Variants in ATP8B1 observed in about 807,000 individuals in gnomAD.
ATP8B1 encodes phospholipid-transporting ATPase IC.
In ATP8B1, 80 loss-of-function variants were observed where a neutral mutation model predicts 149.9. The ratio of observed to expected loss-of-function variants is 0.53; its 90% CI spans 0.45 to 0.64. The LOEUF (loss-of-function observed/expected upper bound fraction) is 0.64, where lower values mean the gene tolerates loss of function less well. Among genes scored for constraint, ATP8B1 ranks in the 30% least tolerant of loss-of-function variants. The pLI, the probability that ATP8B1 is intolerant of heterozygous loss-of-function variation, is 0.00. For missense variants in ATP8B1, 1,247 were observed against 1,552.6 expected, an observed-to-expected ratio of 0.80 and a Z score of 3.31; for synonymous variants, 536 against 562.8, an observed-to-expected ratio of 0.95 and a Z score of 0.67.
chr18:57,667,046 C>G (rs2122692840), intron 20 of ATP8B1, 46 bp downstream of exon 20: 2 of 1,511,582 alleles, frequency 1.3e-6, no homozygotes, highest in Non-Finnish European at 1.8e-6. Flanking sequence ...CTTGCATTTG[C>G]AAAGATGAGC....
intron 1 of ATP8B1, among the ~76,000 whole-genome samples, chr18:57,780,978 T>A (rs1179338568): frequency 6.6e-6 from 1 of 152,238 alleles, no homozygotes; most frequent in East Asian, 1.9e-4. Flanking sequence ...ATATGTGGCC[T>A]GGCCAGGCCG....
At chr18:57,700,525 T>C (rs952098800) in intron 6 of ATP8B1, among the ~76,000 whole-genome samples, 2 of 152,230 alleles carry the variant, frequency 1.3e-5, no homozygotes, top group Admixed American at 6.5e-5. Context: ...AAAATTTTAA[T>C]GAATATTTCC....
chr18:57,685,335 C>A (rs1912182151), intron 13 of ATP8B1, among the ~76,000 whole-genome samples: 1 of 152,100 alleles, frequency 6.6e-6, no homozygotes, highest in South Asian at 2.1e-4. Context: ...TCCTAGGGGC[C>A]TGAATCATAT....
At chr18:57,789,516 A>G (rs1041174736) in intron 1 of ATP8B1, among the ~76,000 whole-genome samples, 8 of 152,172 alleles carry the variant, frequency 5.3e-5, no homozygotes, top group Admixed American at 4.6e-4. Flanking sequence ...TTGTTATACT[A>G]CCCTACACAC....
intron 8 of ATP8B1, among the ~76,000 whole-genome samples, chr18:57,696,762 G>A (rs1006975106): frequency 1.7e-4 from 26 of 152,102 alleles, no homozygotes; most frequent in Non-Finnish European, 2.9e-4. Flanking sequence ...CTGGGCCTCC[G>A]ATTCCTCATG....
At chr18:57,660,644 G>A (rs749197427) in intron 22 of ATP8B1, among the ~76,000 whole-genome samples, 6 of 151,996 alleles carry the variant, frequency 3.9e-5, no homozygotes, top group Non-Finnish European at 8.8e-5. Flanking sequence ...TCAGCCTCCC[G>A]AGTAGCTGGG....
At chr18:57,734,661 A>G (rs2123162954) in intron 1 of ATP8B1, among the ~76,000 whole-genome samples, 1 of 152,292 alleles carries the variant, frequency 6.6e-6, no homozygotes, top group East Asian at 1.9e-4. Flanking sequence ...ACTGTGGCAC[A>G]GTTCTAAAGA....
chr18:57,796,571 A>G (rs746740531), intron 1 of ATP8B1, among the ~76,000 whole-genome samples: 2 of 152,228 alleles, frequency 1.3e-5, no homozygotes, highest in Admixed American at 6.5e-5. Context: ...TAATTTTTCA[A>G]TATAAAGATA....
intron 2 of ATP8B1, among the ~76,000 whole-genome samples, chr18:57,714,725 G>T (rs1913921379): frequency 6.6e-6 from 1 of 152,218 alleles, no homozygotes; most frequent in Admixed American, 6.5e-5. Context: ...TGCAAGAAAT[G>T]CAGCGTTATT....
chr18:57,687,388 A>G (rs1270738366), intron 13 of ATP8B1, among the ~76,000 whole-genome samples: 3 of 152,144 alleles, frequency 2.0e-5, no homozygotes, highest in Non-Finnish European at 4.4e-5. Context: ...TCCTTAACCC[A>G]TTTATGCCTA....
chr18:57,747,317 G>A (rs572378879), intron 1 of ATP8B1, among the ~76,000 whole-genome samples: 2 of 152,134 alleles, frequency 1.3e-5, no homozygotes, highest in Non-Finnish European at 2.9e-5. Context: ...GCCAGGCGTG[G>A]TGGCAGGCAC....
chr18:57,769,372 C>G (rs535782095), intron 1 of ATP8B1, among the ~76,000 whole-genome samples: 138 of 152,278 alleles, frequency 9.1e-4, no homozygotes, highest in Non-Finnish European at 1.5e-3. Context: ...GCTAGTTTCT[C>G]TAGAGCCTTT....
At chr18:57,677,606 TA>T (rs1187877432) in intron 15 of ATP8B1, among the ~76,000 whole-genome samples, 1 of 152,166 alleles carries the variant, frequency 6.6e-6, no homozygotes, top group African/African-American at 2.4e-5. Flanking sequence ...AAGTCAATAT[TA>T]ATCACTTCCT....
At chr18:57,697,986 A>T in intron 6 of ATP8B1, 119 bp from the exon 7 acceptor site, 1 of 983,830 alleles carries the variant, frequency 1.0e-6, no homozygotes, top group East Asian at 2.6e-5. Flanking sequence ...AAATGCTAAA[A>T]TTTTGCTCTT....
At position 57,648,683 on chromosome 18, in the gene ATP8B1, C is replaced by T. The variant is rs777519002; in HGVS notation, c.3561G>A (p.Ala1187=). The change falls in exon 28 of 28, where the codon GCG becomes GCA. Residue 1187 remains alanine (A), a synonymous_variant. Transcript: ENST00000648908. The stretch of plus-strand genomic sequence containing the variant: ...GCTGCCGTCGCTGCCACTGCTCCTC[C>T]GCCTTCAACCGCTTGCGATGCTTCT... ...KIQKHRKRLK[A]EEQWQRRQQV... is the part of the protein sequence containing the mutation. 51 of 1,561,902 alleles carry T rather than the reference C, an allele frequency of 3.3e-5. 2 individuals carry two copies. In the South Asian group the frequency reaches 5.7e-4, roughly 18 times the overall value.
chr18:57,687,940 ACCTG>A (rs1912336848), intron 13 of ATP8B1, among the ~76,000 whole-genome samples: 1 of 151,678 alleles, frequency 6.6e-6, no homozygotes, highest in South Asian at 2.1e-4. Flanking sequence ...CCACCACCAC[ACCTG>A]GTTAATTTTT....
rs114788380 is a variant in ATP8B1, at chr18:57,738,252, G to C, written c.-25-6420C>G. ...CCAGTAAACACCTGCAAGGTGCAGAGTACTACACTAGGCACAGGGAACAGA... is the reference window on the plus strand; with the variant it reads ...CCAGTAAACACCTGCAAGGTGCAGACTACTACACTAGGCACAGGGAACAGA... On this transcript the variant is annotated intron_variant, in intron 1 of 27. Transcript: ENST00000648908. 5.8e-4 allele frequency among the ~76,000 whole-genome samples: 89 copies of C among 152,366 alleles called. 1 individual carries two copies. The highest frequency in any genetic ancestry group is 2.0e-3 in the African/African-American group (84 of 41,584).
chr18:57,662,963 G>A lies in ATP8B1; in HGVS notation c.2286-348C>T, dbSNP rs79604741. On this transcript the variant is annotated intron_variant, in intron 20 of 27. Transcript: ENST00000648908. ...GCAATAGGGTTTTGCCATATCCCGGGCTTTGACCATTTTTAAGTGTACAAC... is the reference window on the plus strand; with the variant it reads ...GCAATAGGGTTTTGCCATATCCCGGACTTTGACCATTTTTAAGTGTACAAC... Among the ~76,000 whole-genome samples the A allele has an allele frequency of 1.7e-3, 255 of 152,104 alleles. 8 individuals carry two copies. In the East Asian group the frequency reaches 0.046, roughly 27 times the overall value.
chr18:57,684,510 T>C (rs369198014), intron 14 of ATP8B1, among the ~76,000 whole-genome samples: 3 of 152,204 alleles, frequency 2.0e-5, no homozygotes, highest in South Asian at 4.1e-4. Flanking sequence ...CCTACGGGCA[T>C]GCACCACCAT....
Sources: allele counts gnomAD v4.1 joint callset (sites outside exome capture counted in the v4.1 genomes callset), GRCh38; gene constraint gnomAD v4.1.1; transcripts MANE v1.5; gene names NCBI Gene and HGNC (gene_info 2026-07-23, HGNC 2026-07-21).